PHF20: variants seen among roughly 807,000 people sequenced by gnomAD.
PHF20 encodes the protein glioma-expressed antigen 2.
PHF20 carries 23 observed loss-of-function variants against 113.5 expected under a neutral mutation model. The observed-to-expected ratio is 0.20, with a 90% CI of 0.15 to 0.29. PHF20 has a LOEUF of 0.29. Among genes scored for constraint, PHF20 ranks in the 10% least tolerant of loss-of-function variants. PHF20 has a pLI of 1.00. For synonymous variants in PHF20, 434 were observed against 457.3 expected (o/e 0.95, Z 0.65); for missense variants, 943 against 1,219.6 (o/e 0.77, Z 3.38).
intron 1 of PHF20, among the ~76,000 whole-genome samples, chr20:35,795,416 T>C (rs1269329386): frequency 6.6e-6 from 1 of 151,922 alleles, no homozygotes; most frequent in Admixed American, 6.6e-5. Flanking sequence ...TGTATTTTTT[T>C]AGTAGAGACA....
chr20:35,914,824 G>C (rs978719510), intron 12 of PHF20, among the ~76,000 whole-genome samples: 1 of 151,586 alleles, frequency 6.6e-6, no homozygotes. Context: ...TTAGCCAGGC[G>C]TGGTGGTGTC....
chr20:35,873,643 A>G (rs185908273), intron 9 of PHF20, among the ~76,000 whole-genome samples: 3 of 150,912 alleles, frequency 2.0e-5, no homozygotes, highest in African/African-American at 7.3e-5. Flanking sequence ...TAATTTTTGT[A>G]TTTTTTAGTA....
chr20:35,882,739 T>C (rs937863323), intron 9 of PHF20, among the ~76,000 whole-genome samples: 3 of 152,048 alleles, frequency 2.0e-5, no homozygotes, highest in African/African-American at 7.2e-5. Context: ...CAATTACATA[T>C]AATTAGGCCA....
chr20:35,900,678 TA>T (rs1301065695), intron 10 of PHF20, among the ~76,000 whole-genome samples: 1 of 151,970 alleles, frequency 6.6e-6, no homozygotes, highest in African/African-American at 2.4e-5. Flanking sequence ...CTACTAAATA[TA>T]CAAAAAAATT....
intron 2 of PHF20, among the ~76,000 whole-genome samples, chr20:35,813,925 C>T (rs2042020132): frequency 8.1e-6 from 1 of 123,630 alleles, no homozygotes; most frequent in Non-Finnish European, 1.6e-5. Context: ...GAGTGAGACT[C>T]CGTCTCAGAA....
At position 35,940,872 on chromosome 20, in the gene PHF20, A is replaced by G. The variant is rs61738923; in HGVS notation, c.2721A>G (p.Glu907=). ...DPKPGSPKVK[E]YVSKKALPEE... is the part of the protein sequence containing the mutation. ...TGCCATTGCATCCCCAGGTGAAGGA[A>G]TATGTCTCCAAAAAGGCCCTACCAG... Residue 907 remains glutamate (E), a synonymous_variant, in exon 17 of 18, where the codon GAA becomes GAG. Coordinates refer to ENST00000374012, the MANE Select transcript of PHF20 (RefSeq NM_016436.5). The G allele has an allele frequency of 2.6e-4, 426 of 1,612,950 alleles. 2 individuals carry two copies. The African/African-American group carries it at 4.9e-3, about 18-fold the overall frequency.
At chr20:35,787,907 A>G (rs2041456070) in intron 1 of PHF20, among the ~76,000 whole-genome samples, 1 of 151,320 alleles carries the variant, frequency 6.6e-6, no homozygotes, top group Admixed American at 6.6e-5. Context: ...CCTCCCTGGT[A>G]GCTGGGATTA....
rs186714655 is a variant in PHF20, at chr20:35,830,148, A to G, written c.84-12425A>G. ...AGGCTGGTCTCAAACTCCCGAGTTC[A>G]GGCAGTCCACCTGCCTCGGCCTCCC... On this transcript the variant is annotated intron_variant, in intron 2 of 17. Transcript: ENST00000374012. 5.3e-5 allele frequency among the ~76,000 whole-genome samples: 8 copies of G among 152,058 alleles called. No homozygotes were observed. In the East Asian group the frequency reaches 1.4e-3, roughly 26 times the overall value.
At chr20:35,911,709 A>G (rs930431766) in intron 10 of PHF20, among the ~76,000 whole-genome samples, 1 of 152,132 alleles carries the variant, frequency 6.6e-6, no homozygotes, top group Non-Finnish European at 1.5e-5. Context: ...CCCAGGCTGG[A>G]GTGCAATGGT....
chr20:35,801,609 C>G lies in PHF20; in HGVS notation c.83+4C>G. ...CCCGGGACCGTTTAAAAAACTGGTA[C>G]TTTTACATTTTTCTGTTAATTAAAG... On this transcript the variant is annotated splice_donor_region_variant and intron_variant, in intron 2 of 17. Transcript: ENST00000374012. 1 of 1,600,808 alleles carries G rather than the reference C, an allele frequency of 6.2e-7. No homozygotes were observed. The highest frequency in any genetic ancestry group is 8.6e-7 in the Non-Finnish European group (1 of 1,168,520).
chr20:35,780,394 T>G (rs1600719610), intron 1 of PHF20, among the ~76,000 whole-genome samples: 1 of 141,360 alleles, frequency 7.1e-6, no homozygotes, highest in East Asian at 2.1e-4. Flanking sequence ...CCCGGCTAAT[T>G]TTTTGTATTT....
At chr20:35,872,558 A>T (rs1260858592) in intron 9 of PHF20, among the ~76,000 whole-genome samples, 1 of 152,184 alleles carries the variant, frequency 6.6e-6, no homozygotes, top group Admixed American at 6.6e-5. Flanking sequence ...TACATTTCCC[A>T]CTGAGAACTG....
At chr20:35,884,714 A>G (rs1018038740) in intron 9 of PHF20, among the ~76,000 whole-genome samples, 3 of 152,222 alleles carry the variant, frequency 2.0e-5, no homozygotes, top group Non-Finnish European at 4.4e-5. Flanking sequence ...CAGATTTATA[A>G]AAAAGTTGCA....
chr20:35,783,828 A>T (rs1006664760), intron 1 of PHF20, among the ~76,000 whole-genome samples: 1 of 151,628 alleles, frequency 6.6e-6, no homozygotes, highest in Non-Finnish European at 1.5e-5. Flanking sequence ...CTAAAAATAC[A>T]AAAAATTAGC....
chr20:35,874,744 A>T (rs1268616484), intron 9 of PHF20, among the ~76,000 whole-genome samples: 9 of 151,810 alleles, frequency 5.9e-5, no homozygotes, highest in East Asian at 3.9e-4. Flanking sequence ...AACTTAAAAA[A>T]TTTTTTTTTG....
chr20:35,866,007 G>A (rs985570189), intron 6 of PHF20, among the ~76,000 whole-genome samples: 2 of 151,952 alleles, frequency 1.3e-5, no homozygotes, highest in African/African-American at 2.4e-5. Flanking sequence ...TCAGGAGTTC[G>A]AGACCAGCCT....
rs1018678875 is a variant in PHF20, at chr20:35,776,630, C to T, written c.-33+4551C>T. On this transcript the variant is annotated intron_variant, in intron 1 of 17. Coordinates refer to ENST00000374012, the MANE Select transcript of PHF20 (RefSeq NM_016436.5). Reference sequence around the variant, plus strand: ...CTGTCACCTGTCTGGCCCTCTTCCACGTGATCCTGTTGCCAGCCCTAATCA... The same window carrying T: ...CTGTCACCTGTCTGGCCCTCTTCCATGTGATCCTGTTGCCAGCCCTAATCA... Among the ~76,000 whole-genome samples, 13 of 152,200 alleles carry T rather than the reference C, an allele frequency of 8.5e-5. No individual in the cohort carries two copies. The East Asian group carries it at 2.5e-3, about 29-fold the overall frequency.
At chr20:35,850,585 G>GTTTTTTTT (rs58771222) in intron 4 of PHF20, 1 of 37,618 alleles carries the variant, frequency 2.7e-5, no homozygotes, top group Non-Finnish European at 4.1e-5. Context: ...ATTATGAGCT[G>GTTTTTTTT]TTTTTTTTTT....
intron 2 of PHF20, among the ~76,000 whole-genome samples, chr20:35,841,813 A>T (rs1766369654): frequency 6.6e-6 from 1 of 152,110 alleles, no homozygotes; most frequent in Non-Finnish European, 1.5e-5. Flanking sequence ...ACAGTATTCC[A>T]TTATATTGCT....
Sources: gnomAD v4.1 joint callset for allele counts (sites outside exome capture counted in the v4.1 genomes callset) on GRCh38, gnomAD v4.1.1 for gene constraint, MANE v1.5 for transcripts, NCBI Gene and HGNC (gene_info 2026-07-23, HGNC 2026-07-21) for gene names.